Variants in SMIM3 observed in about 807,000 individuals in gnomAD.
SMIM3 encodes small integral membrane protein 3.
In SMIM3, 4 loss-of-function variants were observed where a neutral mutation model predicts 2.1. The ratio of observed to expected loss-of-function variants is 1.89; its 90% CI spans 0.93 to 4.31. The LOEUF is 4.31. SMIM3 is among the 30% of genes most tolerant of loss of function. The probability of loss-of-function intolerance (pLI) is 0.01; values close to 1 mark genes in which losing one functional copy is unlikely to be tolerated. For synonymous variants in SMIM3, 29 were observed against 30.8 expected (o/e 0.94, Z 0.19); for missense variants, 79 against 77.7 (o/e 1.02, Z -0.06).
chr5:150,792,867 T>C (rs1317149786), intron 1 of SMIM3, among the ~76,000 whole-genome samples: 1 of 152,212 alleles, frequency 6.6e-6, no homozygotes, highest in African/African-American at 2.4e-5. Flanking sequence ...GGTGGTTGCA[T>C]GGTATGGCAA....
chr5:150,778,903 C>T lies in SMIM3; in HGVS notation c.-81C>T. Reference sequence around the variant, plus strand: ...TTCCAGCTGCCAGATCCCGTGCAGTCCTGGGGACCCTGAGAAGCACCGAGC... The same window carrying T: ...TTCCAGCTGCCAGATCCCGTGCAGTTCTGGGGACCCTGAGAAGCACCGAGC... On this transcript the variant is annotated 5_prime_UTR_variant, in exon 1 of 2. Coordinates refer to ENST00000526627, the MANE Select transcript of SMIM3 (RefSeq NM_032947.5). The T allele has an allele frequency of 2.0e-6, 1 of 508,228 alleles. No individual in the cohort carries two copies. Among genetic ancestry groups the T allele is most frequent in the South Asian group, 1.5e-5 (1 of 67,284 alleles). The allele number at this position is 508,228 out of a possible 1,614,324, so 31.5% of individuals were successfully genotyped here. A position where few individuals can be genotyped will look rare whatever the true frequency, so the allele number is the denominator to read the frequency against.
chr5:150,786,074 C>G (rs1229085787), intron 1 of SMIM3, among the ~76,000 whole-genome samples: 3 of 152,008 alleles, frequency 2.0e-5, no homozygotes, highest in African/African-American at 7.3e-5. Context: ...TGTACCTTGT[C>G]ACTGTTTCCT....
At chr5:150,792,784 C>G (rs1369537387) in intron 1 of SMIM3, among the ~76,000 whole-genome samples, 1 of 152,226 alleles carries the variant, frequency 6.6e-6, no homozygotes, top group East Asian at 1.9e-4. Context: ...TCAAGCAATC[C>G]TTCCACCTTG....
chr5:150,792,267 C>A (rs1753356473), intron 1 of SMIM3, among the ~76,000 whole-genome samples: 1 of 152,148 alleles, frequency 6.6e-6, no homozygotes, highest in South Asian at 2.1e-4. Flanking sequence ...TTTGAAAGGA[C>A]CTGCAGGAGA....
In SMIM3 at chr5:150,796,632, G is replaced by T. The variant is rs889179629; in HGVS notation, c.*1009G>T. Reference sequence around the variant, plus strand: ...TGGGATTTATTAAATTATGTAAGAAGATAGCACAGATATCGGGATATTATT... The same window carrying T: ...TGGGATTTATTAAATTATGTAAGAATATAGCACAGATATCGGGATATTATT... On this transcript the variant is annotated 3_prime_UTR_variant, in exon 2 of 2. Transcript: ENST00000526627. 1.3e-5 allele frequency: 2 copies of T among 152,350 alleles called. No homozygotes were observed. The highest frequency in any genetic ancestry group is 2.9e-5 in the Non-Finnish European group (2 of 68,036). The allele number at this position is 152,350 out of a possible 1,614,324, so 9.4% of individuals were successfully genotyped here. A position where few individuals can be genotyped will look rare whatever the true frequency, so the allele number is the denominator to read the frequency against.
At chr5:150,784,809 T>C (rs954918492) in intron 1 of SMIM3, among the ~76,000 whole-genome samples, 4 of 152,194 alleles carry the variant, frequency 2.6e-5, no homozygotes, top group African/African-American at 9.6e-5. Flanking sequence ...CTCTGTGCTT[T>C]CTATTTGTCC....
chr5:150,783,586 A>C (rs1341129365), intron 1 of SMIM3, among the ~76,000 whole-genome samples: 3 of 152,260 alleles, frequency 2.0e-5, no homozygotes, highest in Non-Finnish European at 2.9e-5. Flanking sequence ...CCACACCTGC[A>C]GGAAGCCACC....
rs781071576 is a variant in SMIM3 at position 150,778,873 on chromosome 5, G to T, written c.-111G>T. Reference sequence around the variant, plus strand: ...TAGGGCTGAGGTTCCAGGCCTGGGGGTCGCTTCCAGCTGCCAGATCCCGTG... The same window carrying T: ...TAGGGCTGAGGTTCCAGGCCTGGGGTTCGCTTCCAGCTGCCAGATCCCGTG... On this transcript the variant is annotated 5_prime_UTR_variant, in exon 1 of 2. Coordinates refer to ENST00000526627, the MANE Select transcript of SMIM3 (RefSeq NM_032947.5). The T allele has an allele frequency of 2.0e-6, 1 of 492,206 alleles. No homozygotes were observed. The highest frequency in any genetic ancestry group is 1.5e-5 in the South Asian group (1 of 65,968). The allele number at this position is 492,206 out of a possible 1,614,324, so 30.5% of individuals were successfully genotyped here.
chr5:150,794,711 G>A (rs550287509), intron 1 of SMIM3, among the ~76,000 whole-genome samples: 2 of 152,204 alleles, frequency 1.3e-5, no homozygotes, highest in East Asian at 3.9e-4. Flanking sequence ...GTTTCCAATC[G>A]TGTTCAATTC....
intron 1 of SMIM3, among the ~76,000 whole-genome samples, chr5:150,785,517 T>G (rs1236132932): frequency 6.6e-6 from 1 of 152,042 alleles, no homozygotes; most frequent in Non-Finnish European, 1.5e-5. Flanking sequence ...GTTTCTCTTT[T>G]AAAGATATTC....
intron 1 of SMIM3, among the ~76,000 whole-genome samples, chr5:150,784,471 A>G (rs1440114120): frequency 6.6e-6 from 1 of 152,184 alleles, no homozygotes; most frequent in Non-Finnish European, 1.5e-5. Flanking sequence ...TGAGAGAGAC[A>G]TCTTGAAATC....
chr5:150,796,424 A>AC lies in SMIM3; in HGVS notation c.*806dup, dbSNP rs532168914. On this transcript the variant is annotated 3_prime_UTR_variant, in exon 2 of 2. Coordinates refer to ENST00000526627, the MANE Select transcript of SMIM3 (RefSeq NM_032947.5). ...TCCTGCTGTAATTAGCTCCACGTGT[A>AC]CCCCCTTCACTCCCTCCCACCAGCT... 6.6e-6 allele frequency: 1 copy of AC among 152,052 alleles called. No homozygotes were observed. Among genetic ancestry groups the AC allele is most frequent in the South Asian group, 2.1e-4 (1 of 4,796 alleles). The allele number at this position is 152,052 out of a possible 1,614,324, so 9.4% of individuals were successfully genotyped here. A position where few individuals can be genotyped will look rare whatever the true frequency, so the allele number is the denominator to read the frequency against.
At chr5:150,788,945 T>C (rs965622353) in intron 1 of SMIM3, among the ~76,000 whole-genome samples, 1 of 152,128 alleles carries the variant, frequency 6.6e-6, no homozygotes, top group Non-Finnish European at 1.5e-5. Context: ...CAAACTTATA[T>C]TGAACATATG....
At chr5:150,788,854 G>A (rs1275205253) in intron 1 of SMIM3, among the ~76,000 whole-genome samples, 1 of 152,116 alleles carries the variant, frequency 6.6e-6, no homozygotes, top group Non-Finnish European at 1.5e-5. Flanking sequence ...TATAGGGCCT[G>A]TGATCTGATG....
chr5:150,788,388 C>T (rs186985858), intron 1 of SMIM3, among the ~76,000 whole-genome samples: 27 of 151,982 alleles, frequency 1.8e-4, no homozygotes, highest in African/African-American at 6.5e-4. Flanking sequence ...CGGTCACTCT[C>T]CTTTGGGAAA....
At chr5:150,788,079 T>G (rs113212973) in intron 1 of SMIM3, among the ~76,000 whole-genome samples, 1 of 152,214 alleles carries the variant, frequency 6.6e-6, no homozygotes, top group Non-Finnish European at 1.5e-5. Context: ...AACACAGGCT[T>G]GTTGCCTTGA....
chr5:150,794,710 C>T (rs1252575227), intron 1 of SMIM3, among the ~76,000 whole-genome samples: 6 of 152,150 alleles, frequency 3.9e-5, no homozygotes, highest in Non-Finnish European at 7.4e-5. Context: ...TGTTTCCAAT[C>T]GTGTTCAATT....
intron 1 of SMIM3, among the ~76,000 whole-genome samples, chr5:150,786,075 A>T (rs185733778): frequency 6.6e-6 from 1 of 151,830 alleles, no homozygotes; most frequent in African/African-American, 2.4e-5. Context: ...GTACCTTGTC[A>T]CTGTTTCCTC....
intron 1 of SMIM3, among the ~76,000 whole-genome samples, chr5:150,780,677 G>T (rs1050446174): frequency 6.6e-6 from 1 of 152,164 alleles, no homozygotes; most frequent in African/African-American, 2.4e-5. Context: ...GGGGGTGACA[G>T]ACCAAGGGGA....
Sources: allele counts gnomAD v4.1 joint callset (sites outside exome capture counted in the v4.1 genomes callset), GRCh38; gene constraint gnomAD v4.1.1; transcripts MANE v1.5; gene names NCBI Gene and HGNC (gene_info 2026-07-23, HGNC 2026-07-21).